The following GAB1 variants were observed in gnomAD, a reference collection of about 807,000 sequenced individuals.
GAB1 encodes the protein GRB2 associated binding protein 1.
GAB1 carries 19 observed loss-of-function variants against 66.5 expected under a neutral mutation model. That is an observed-to-expected ratio of 0.29 (90% CI 0.20 to 0.42). The LOEUF is 0.42. GAB1 is among the 10% of genes least tolerant of loss of function. The pLI, the probability that GAB1 is intolerant of heterozygous loss-of-function variation, is 1.00. For synonymous variants in GAB1, 294 were observed against 301.4 expected (o/e 0.98, Z 0.25); for missense variants, 732 against 858.5 (o/e 0.85, Z 1.84).
At chr4:143,438,905 G>T (rs917153396) in intron 4 of GAB1, among the ~76,000 whole-genome samples, 3 of 152,048 alleles carry the variant, frequency 2.0e-5, no homozygotes, top group African/African-American at 7.2e-5. Context: ...GGGACAGAAG[G>T]GCAGGAAATG....
intron 2 of GAB1, among the ~76,000 whole-genome samples, chr4:143,423,604 A>G (rs911922675): frequency 6.6e-6 from 1 of 150,878 alleles, no homozygotes; most frequent in Non-Finnish European, 1.5e-5. Flanking sequence ...GTGAAACCCC[A>G]TCTCTACTAA....
At chr4:143,400,412 A>G (rs1169032616) in intron 1 of GAB1, among the ~76,000 whole-genome samples, 2 of 152,196 alleles carry the variant, frequency 1.3e-5, no homozygotes, top group Non-Finnish European at 1.5e-5. Context: ...TTGATGGCTA[A>G]TGCTGGGTGG....
intron 1 of GAB1, among the ~76,000 whole-genome samples, chr4:143,364,161 C>T (rs1039395995): frequency 1.3e-5 from 2 of 149,116 alleles, no homozygotes; most frequent in African/African-American, 2.5e-5. Context: ...GCACTCCAGC[C>T]TGGGCTACAA....
At chr4:143,370,718 G>GC (rs1730083586) in intron 1 of GAB1, among the ~76,000 whole-genome samples, 1 of 152,042 alleles carries the variant, frequency 6.6e-6, no homozygotes, top group Non-Finnish European at 1.5e-5. Flanking sequence ...CCCACAACAG[G>GC]CCCCGGGGTG....
intron 1 of GAB1, among the ~76,000 whole-genome samples, chr4:143,359,217 G>A (rs1355564724): frequency 1.3e-5 from 2 of 152,202 alleles, no homozygotes; most frequent in African/African-American, 2.4e-5. Flanking sequence ...GGAAATAAAT[G>A]TGAAACTATA....
intron 1 of GAB1, among the ~76,000 whole-genome samples, chr4:143,373,687 G>A (rs1292540440): frequency 1.3e-5 from 2 of 151,526 alleles, no homozygotes; most frequent in Non-Finnish European, 2.9e-5. Context: ...AAATTAGCCG[G>A]CCATGGTGGC....
At chr4:143,399,714 G>A (rs905317829) in intron 1 of GAB1, among the ~76,000 whole-genome samples, 9 of 152,064 alleles carry the variant, frequency 5.9e-5, no homozygotes, top group African/African-American at 1.9e-4. Flanking sequence ...GTGATTTTTA[G>A]CAGTCTTATT....
intron 2 of GAB1, among the ~76,000 whole-genome samples, chr4:143,429,010 T>TA (rs764747064): frequency 1.3e-5 from 2 of 152,050 alleles, no homozygotes; most frequent in Non-Finnish European, 2.9e-5. Flanking sequence ...TAAAAATAAA[T>TA]AAAAAAAATC....
intron 6 of GAB1, among the ~76,000 whole-genome samples, chr4:143,446,495 G>T (rs1459674839): frequency 6.6e-6 from 1 of 151,136 alleles, no homozygotes; most frequent in East Asian, 1.9e-4. Context: ...TCTAACTGGT[G>T]TGAGATGGTA....
At position 143,337,152 on chromosome 4, in the gene GAB1, C is replaced by T. The variant is rs748459152; in HGVS notation, c.-37C>T. 4.0e-5 allele frequency: 62 copies of T among 1,549,424 alleles called. 1 individual carries two copies. The East Asian group carries it at 1.5e-3, about 37-fold the overall frequency. On this transcript the variant is annotated 5_prime_UTR_variant, in exon 1 of 10. Transcript: ENST00000262994. ...TGTGTCGGGAGCGCGCCCGCCGCCCCTCAGCTGCCCGGCCCGGAGCCCGAG... is the reference window on the plus strand; with the variant it reads ...TGTGTCGGGAGCGCGCCCGCCGCCCTTCAGCTGCCCGGCCCGGAGCCCGAG...
chr4:143,456,282 C>T (rs1735185405), intron 6 of GAB1, among the ~76,000 whole-genome samples: 1 of 152,044 alleles, frequency 6.6e-6, no homozygotes, highest in Admixed American at 6.6e-5. Context: ...ACGGTGAAAC[C>T]CCACCTCTAC....
chr4:143,393,244 G>GA (rs562105348), intron 1 of GAB1, among the ~76,000 whole-genome samples: 5 of 139,712 alleles, frequency 3.6e-5, no homozygotes, highest in African/African-American at 1.3e-4. Context: ...AAAAAAAAAA[G>GA]AAAAAAAAAG....
intron 1 of GAB1, among the ~76,000 whole-genome samples, chr4:143,360,991 CAA>C (rs1480903486): frequency 6.6e-6 from 1 of 152,180 alleles, no homozygotes. Context: ...CTTTCCCCAA[CAA>C]GACATATTTT....
chr4:143,337,392 C>G (rs962955046), intron 1 of GAB1, 132 bp downstream of exon 1: 49 of 768,738 alleles, frequency 6.4e-5, no homozygotes, highest in Admixed American at 3.5e-4. Flanking sequence ...TCCCCTTGGC[C>G]CCTACCCCTG....
intron 3 of GAB1, among the ~76,000 whole-genome samples, chr4:143,434,383 T>C (rs998062909): frequency 2.7e-4 from 41 of 150,862 alleles, no homozygotes; most frequent in African/African-American, 9.8e-4. Context: ...TTTTTTTTTT[T>C]AGGAGACAAG....
chr4:143,424,921 C>T, intron 2 of GAB1: 2 of 546,250 alleles, frequency 3.7e-6, no homozygotes, highest in Non-Finnish European at 6.5e-6. Context: ...TTTCACTGCA[C>T]TCCAGCCTGG....
At chr4:143,387,909 C>A (rs1017981382) in intron 1 of GAB1, among the ~76,000 whole-genome samples, 1 of 152,122 alleles carries the variant, frequency 6.6e-6, no homozygotes, top group African/African-American at 2.4e-5. Flanking sequence ...CTTGTGCCTG[C>A]GCTGTACTTT....
chr4:143,367,203 C>A (rs1729918721), intron 1 of GAB1, among the ~76,000 whole-genome samples: 2 of 152,072 alleles, frequency 1.3e-5, no homozygotes, highest in African/African-American at 4.8e-5. Flanking sequence ...AACTTTGTCT[C>A]AGGAATTAAG....
chr4:143,432,552 C>A (rs928331478), intron 2 of GAB1, among the ~76,000 whole-genome samples: 1 of 152,152 alleles, frequency 6.6e-6, no homozygotes, highest in Non-Finnish European at 1.5e-5. Flanking sequence ...CACGTGGGAA[C>A]TGAAGAGACT....
Sources: gnomAD v4.1 joint callset for allele counts (sites outside exome capture counted in the v4.1 genomes callset) on GRCh38, gnomAD v4.1.1 for gene constraint, MANE v1.5 for transcripts, NCBI Gene and HGNC (gene_info 2026-07-23, HGNC 2026-07-21) for gene names.